PTCH1: variants seen among roughly 807,000 people sequenced by gnomAD.
PTCH1 encodes the protein patched 1.
PTCH1 carries 14 observed loss-of-function variants against 144.6 expected under a neutral mutation model. The ratio of observed to expected loss-of-function variants is 0.10; its 90% CI spans 0.06 to 0.15. The LOEUF (loss-of-function observed/expected upper bound fraction) is 0.15, where lower values mean the gene tolerates loss of function less well. PTCH1 is among the 10% of genes least tolerant of loss of function. The pLI is 1.00. For missense variants in PTCH1, 1,623 were observed against 1,948.3 expected, an observed-to-expected ratio of 0.83 and a Z score of 3.14; for synonymous variants, 833 against 793.6, an observed-to-expected ratio of 1.05 and a Z score of -0.83.
chr9:95,507,442 G>C, intron 1 of PTCH1: 2 of 985,362 alleles, frequency 2.0e-6, no homozygotes, highest in Non-Finnish European at 1.2e-6. Flanking sequence ...ATTTCAGCGA[G>C]CCTCGTAAAC....
intron 2 of PTCH1, among the ~76,000 whole-genome samples, chr9:95,497,863 A>G (rs1281589421): frequency 6.6e-6 from 1 of 151,990 alleles, no homozygotes; most frequent in Non-Finnish European, 1.5e-5. Flanking sequence ...TGACACAACC[A>G]CCACTGGGCT....
rs1265533313 is a variant in PTCH1, at chr9:95,477,926, C to T, written c.1347+129G>A. On this transcript the variant is annotated intron_variant, in intron 9 of 23. Coordinates refer to ENST00000331920, the MANE Select transcript of PTCH1 (RefSeq NM_000264.5). ...GACCACTTTTAAACCACTGTGAAGC[C>T]ACGCTCTCTCTGTCCTGGATGCACA... is the stretch of plus-strand genomic sequence containing the variant. 3 of 1,536,200 alleles carry T rather than the reference C, an allele frequency of 2.0e-6. No homozygotes were observed. In the African/African-American group the frequency reaches 4.1e-5, roughly 21 times the overall value.
chr9:95,489,233 T>A (rs1332140646), intron 2 of PTCH1, among the ~76,000 whole-genome samples: 1 of 152,248 alleles, frequency 6.6e-6, no homozygotes, highest in Non-Finnish European at 1.5e-5. Context: ...CTGTTCATTA[T>A]CTTGCTGTCT....
At chr9:95,500,474 C>T (rs1843076065) in intron 2 of PTCH1, among the ~76,000 whole-genome samples, 1 of 152,226 alleles carries the variant, frequency 6.6e-6, no homozygotes, top group Non-Finnish European at 1.5e-5. Flanking sequence ...CCCTTCTAAA[C>T]CATGTATGGG....
chr9:95,456,479 G>T, intron 18 of PTCH1, 66 bp from the exon 19 acceptor site: 1 of 1,586,268 alleles, frequency 6.3e-7, no homozygotes, highest in East Asian at 2.3e-5. Context: ...CACAAGGGAG[G>T]TCGCCAGAGG....
rs760569109 is a variant in PTCH1 at position 95,478,175 on chromosome 9, C to T, written c.1227G>A (p.Gln409=). 1 of 1,614,220 alleles carries T rather than the reference C, an allele frequency of 6.2e-7. No homozygotes were observed. Among genetic ancestry groups the T allele is most frequent in the South Asian group, 1.1e-5 (1 of 91,070 alleles). ...TTTGAGTGGAGTTCTGTGCGACACT[C>T]TGATGAACCACCTGTGGTCACAACA... ...WQRTYVEVVH[Q]SVAQNSTQKV... Residue 409 remains glutamine (Q), a synonymous_variant, in exon 9 of 24, where the codon CAG becomes CAA. Coordinates refer to ENST00000331920, the MANE Select transcript of PTCH1 (RefSeq NM_000264.5).
Position 95,508,663 on chromosome 9 carries a change from C to G in PTCH1, c.-302G>C. ...GCCGCCGCTGCCCACATCCAGTTCG[C>G]GGAAGAGCGAGAGCCGGCGCGCCGA... On this transcript the variant is annotated 5_prime_UTR_variant, in exon 1 of 24. Coordinates refer to ENST00000331920, the MANE Select transcript of PTCH1 (RefSeq NM_000264.5). The G allele has an allele frequency of 3.0e-6, 3 of 988,012 alleles. No homozygotes were observed. The highest frequency in any genetic ancestry group is 3.6e-6 in the Non-Finnish European group (3 of 831,896). The allele number at this position is 988,012 out of a possible 1,614,324, so 61.2% of individuals were successfully genotyped here. A position where few individuals can be genotyped will look rare whatever the true frequency, so the allele number is the denominator to read the frequency against.
chr9:95,479,474 T>C (rs1462406476), intron 7 of PTCH1, among the ~76,000 whole-genome samples: 1 of 152,214 alleles, frequency 6.6e-6, no homozygotes, highest in South Asian at 2.1e-4. Flanking sequence ...CAGTGACGCA[T>C]ACTTGCTGTG....
Position 95,506,471 on chromosome 9 carries a change from C to A in PTCH1, c.330G>T (p.Gly110=), listed in dbSNP as rs2118876265. 1 of 1,613,566 alleles carries A rather than the reference C, an allele frequency of 6.2e-7. No individual in the cohort carries two copies. ...KFLVVGLLIF[G]AFAVGLKAAN... ...CTGCTTTTAATCCCACCGCGAAGGCCCCAAATATGAGGAGGCCCACAACCA... is the reference window on the plus strand; with the variant it reads ...CTGCTTTTAATCCCACCGCGAAGGCACCAAATATGAGGAGGCCCACAACCA... The change falls in exon 2 of 24, where the codon GGG becomes GGT. Residue 110 remains glycine (G), a synonymous_variant. Transcript: ENST00000331920.
chr9:95,453,680 C>T (rs193234348), intron 19 of PTCH1, 60 bp from the exon 20 acceptor site: 8 of 1,604,432 alleles, frequency 5.0e-6, no homozygotes, highest in South Asian at 2.2e-5. Context: ...AAATGCTCAG[C>T]TCTGTCCTAA....
intron 19 of PTCH1, among the ~76,000 whole-genome samples, 167 bp downstream of exon 19, chr9:95,456,109 G>T (rs536366657): frequency 6.6e-6 from 1 of 152,294 alleles, no homozygotes; most frequent in Non-Finnish European, 1.5e-5. Context: ...CTCCCTTGAG[G>T]GAAAGGAATC....
At position 95,480,643 on chromosome 9, in the gene PTCH1, A is replaced by G. The variant is rs2297087; in HGVS notation, c.747-55T>C. 351,907 of 1,552,560 alleles carry G rather than the reference A, an allele frequency of 0.23. 41,558 individuals are homozygous for G. The highest frequency in any genetic ancestry group is 0.24 in the Non-Finnish European group (270,038 of 1,126,468). ...GAAAAGAGCCTTCTAAACGCATCGT[A>G]AAGTAACACGGCTGCGCCCACTGCA... On this transcript the variant is annotated intron_variant, in intron 5 of 23. Coordinates refer to ENST00000331920, the MANE Select transcript of PTCH1 (RefSeq NM_000264.5).
intron 20 of PTCH1, chr9:95,450,192 A>G (rs866107902): frequency 9.6e-6 from 5 of 521,770 alleles, no homozygotes; most frequent in Non-Finnish European, 1.4e-5. Flanking sequence ...AAAAAAAATT[A>G]GTTTGTTAAT....
At chr9:95,471,906 G>C (rs528555533) in intron 12 of PTCH1, among the ~76,000 whole-genome samples, 2 of 152,074 alleles carry the variant, frequency 1.3e-5, no homozygotes, top group South Asian at 4.2e-4. Context: ...GCGTGGTGGC[G>C]CATGCCTGTA....
At chr9:95,448,242 TAGG>T (rs1288211852) in intron 22 of PTCH1, among the ~76,000 whole-genome samples, 1 of 151,722 alleles carries the variant, frequency 6.6e-6, no homozygotes, top group African/African-American at 2.4e-5. Context: ...TCGCGGGGGG[TAGG>T]AGGAGGACAA....
upstream of PTCH1, among the ~76,000 whole-genome samples, chr9:95,512,975 C>CAG (rs1844224476): frequency 6.6e-6 from 1 of 152,208 alleles, no homozygotes; most frequent in Non-Finnish European, 1.5e-5. Context: ...TGATCCAAGA[C>CAG]TTCTCATTGG....
intron 2 of PTCH1, among the ~76,000 whole-genome samples, chr9:95,486,552 G>T (rs938395750): frequency 2.6e-5 from 4 of 152,254 alleles, no homozygotes; most frequent in African/African-American, 9.6e-5. Context: ...TCAGCTGGGG[G>T]TGAGCAGCCT....
chr9:95,465,006 T>G (rs759409076), intron 15 of PTCH1, among the ~76,000 whole-genome samples: 5 of 152,112 alleles, frequency 3.3e-5, no homozygotes, highest in Non-Finnish European at 7.4e-5. Context: ...GGACCCTGAT[T>G]GCTTAGCACC....
intron 12 of PTCH1, chr9:95,474,186 A>G (rs1280682776): frequency 5.0e-6 from 2 of 401,672 alleles, no homozygotes; most frequent in African/African-American, 4.2e-5. Context: ...AGAAGAAAAG[A>G]AGGAGTATGA....
Sources: gnomAD v4.1 joint callset for allele counts (sites outside exome capture counted in the v4.1 genomes callset) on GRCh38, gnomAD v4.1.1 for gene constraint, MANE v1.5 for transcripts, NCBI Gene and HGNC (gene_info 2026-07-23, HGNC 2026-07-21) for gene names.